The following SGCZ variants were observed in gnomAD, a reference collection of about 807,000 sequenced individuals.
The protein encoded by SGCZ is zeta-sarcoglycan.
A neutral mutation model predicts 41.3 loss-of-function variants in SGCZ; 40 were observed. The observed-to-expected ratio is 0.97, with a 90% confidence interval of 0.75 to 1.26. SGCZ has a LOEUF of 1.26. Among genes scored for constraint, SGCZ ranks in the 50% most tolerant of loss-of-function variants. The pLI, the probability that SGCZ is intolerant of heterozygous loss-of-function variation, is 0.00. For synonymous variants in SGCZ, 206 were observed against 137.5 expected (o/e 1.50, Z -3.49); for missense variants, 552 against 369.8 (o/e 1.49, Z -4.04).
intron 1 of SGCZ, among the ~76,000 whole-genome samples, chr8:14,887,986 A>G (rs1229043971): frequency 6.6e-6 from 1 of 152,164 alleles, no homozygotes; most frequent in African/African-American, 2.4e-5. Context: ...GGAGGGATAA[A>G]TGATAAGTAT....
chr8:14,912,238 C>T (rs1799298551), intron 1 of SGCZ, among the ~76,000 whole-genome samples: 1 of 151,996 alleles, frequency 6.6e-6, no homozygotes. Context: ...GACAGACCCA[C>T]CTTGCTCTGG....
Position 14,555,669 on chromosome 8 carries a change from G to C in SGCZ, c.40-743C>G, listed in dbSNP as rs1156279636. Among the ~76,000 whole-genome samples, 3 of 152,126 alleles carry C rather than the reference G, an allele frequency of 2.0e-5. No individual in the cohort carries two copies. The East Asian group carries it at 5.8e-4, about 30-fold the overall frequency. On this transcript the variant is annotated intron_variant, in intron 1 of 7. Transcript: ENST00000382080. ...ATACACCAAGCTACACTTAGACTATGATTTACCTGTTCTTTGCAGTAGAGA... is the reference window on the plus strand; with the variant it reads ...ATACACCAAGCTACACTTAGACTATCATTTACCTGTTCTTTGCAGTAGAGA...
chr8:14,822,917 A>G (rs1019175031), intron 1 of SGCZ, among the ~76,000 whole-genome samples: 3 of 152,040 alleles, frequency 2.0e-5, no homozygotes, highest in Non-Finnish European at 2.9e-5. Context: ...AACCAAATGT[A>G]GTGCCATGCC....
intron 1 of SGCZ, among the ~76,000 whole-genome samples, chr8:14,930,482 C>G (rs1799893381): frequency 2.0e-5 from 3 of 152,042 alleles, no homozygotes; most frequent in Non-Finnish European, 2.9e-5. Context: ...AATCCCATTA[C>G]TGGGTATATA....
intron 1 of SGCZ, among the ~76,000 whole-genome samples, chr8:15,158,070 T>C: frequency 6.6e-6 from 1 of 152,092 alleles, no homozygotes; most frequent in Non-Finnish European, 1.5e-5. Flanking sequence ...CAAACACAAA[T>C]GGTATCATCT....
chr8:14,784,053 G>GTTTTTTTT (rs67722353), intron 1 of SGCZ, among the ~76,000 whole-genome samples: 1 of 145,498 alleles, frequency 6.9e-6, no homozygotes, highest in Non-Finnish European at 1.5e-5. Flanking sequence ...TTAATTTAAT[G>GTTTTTTTT]TTTTTTTTTT....
Position 15,179,470 on chromosome 8 carries a change from G to A in SGCZ, c.39+58115C>T, listed in dbSNP as rs146949708. Among the ~76,000 whole-genome samples the A allele has an allele frequency of 3.3e-3, 503 of 152,144 alleles. 2 individuals carry two copies. The highest frequency in any genetic ancestry group is 0.012 in the African/African-American group (478 of 41,492). On this transcript the variant is annotated intron_variant, in intron 1 of 7. Coordinates refer to ENST00000382080, the MANE Select transcript of SGCZ (RefSeq NM_139167.4). ...CAACCACTGAAAGTAGGCATTAAAG[G>A]GTTTTCATGATCTCAAGATGTTCTG... is the stretch of plus-strand genomic sequence containing the variant.
chr8:15,124,020 T>C (rs1421444067), intron 1 of SGCZ, among the ~76,000 whole-genome samples: 1 of 152,210 alleles, frequency 6.6e-6, no homozygotes, highest in African/African-American at 2.4e-5. Context: ...GCAGCCTTGC[T>C]AGTAAAATTA....
chr8:14,326,346 A>T (rs1421159510), intron 2 of SGCZ, among the ~76,000 whole-genome samples: 2 of 152,040 alleles, frequency 1.3e-5, no homozygotes, highest in Non-Finnish European at 2.9e-5. Flanking sequence ...ATTGAGGTAG[A>T]ATTATATAAC....
chr8:14,806,257 A>G (rs1438688313), intron 1 of SGCZ, among the ~76,000 whole-genome samples: 1 of 151,232 alleles, frequency 6.6e-6, no homozygotes, highest in Non-Finnish European at 1.5e-5. Context: ...AAATAGAGAC[A>G]TAAAAAACCC....
intron 1 of SGCZ, among the ~76,000 whole-genome samples, chr8:14,634,537 C>T (rs565696004): frequency 3.3e-4 from 50 of 151,832 alleles, no homozygotes; most frequent in Middle Eastern, 3.4e-3. Context: ...TTAGTGGAAG[C>T]CTTTTAAATA....
intron 2 of SGCZ, among the ~76,000 whole-genome samples, chr8:14,453,752 T>C (rs1239551337): frequency 2.0e-5 from 3 of 152,230 alleles, no homozygotes; most frequent in Non-Finnish European, 2.9e-5. Context: ...TGTTCAGAAA[T>C]GTCACAAGAC....
intron 1 of SGCZ, among the ~76,000 whole-genome samples, chr8:14,910,718 A>T (rs536241699): frequency 6.6e-6 from 1 of 152,014 alleles, no homozygotes; most frequent in African/African-American, 2.4e-5. Context: ...AATTTCTTCA[A>T]ATTTATATAT....
chr8:14,879,696 G>T (rs1411355620), intron 1 of SGCZ: 1 of 151,208 alleles, frequency 6.6e-6, no homozygotes, highest in African/African-American at 2.4e-5. Flanking sequence ...AGTTCCCTTA[G>T]TCTGCTCCTA....
chr8:14,646,604 T>A (rs1054456202), intron 1 of SGCZ, among the ~76,000 whole-genome samples: 1 of 151,936 alleles, frequency 6.6e-6, no homozygotes. Context: ...TGGATGGTAG[T>A]TGTGTTTTAA....
intron 1 of SGCZ, among the ~76,000 whole-genome samples, chr8:14,782,867 T>C (rs569349295): frequency 6.6e-6 from 1 of 152,342 alleles, no homozygotes; most frequent in Admixed American, 6.5e-5. Flanking sequence ...ATGCATATGC[T>C]TCAACAGCCA....
intron 1 of SGCZ, among the ~76,000 whole-genome samples, chr8:15,016,859 T>A (rs535632040): frequency 3.6e-4 from 55 of 152,154 alleles, no homozygotes; most frequent in African/African-American, 1.3e-3. Context: ...TGAACAGCCA[T>A]GTCATTTGGC....
chr8:14,349,468 C>A (rs1416103076), intron 2 of SGCZ, among the ~76,000 whole-genome samples: 3 of 141,816 alleles, frequency 2.1e-5, no homozygotes, highest in Admixed American at 2.1e-4. Context: ...GATTTTCTAA[C>A]TAATTCTTGC....
rs559793132 is a variant in SGCZ, at chr8:15,168,912, A to G, written c.39+68673T>C. Among the ~76,000 whole-genome samples the G allele has an allele frequency of 7.9e-4, 120 of 152,292 alleles. No individual in the cohort carries two copies. In the Middle Eastern group the frequency reaches 0.01, roughly 13 times the overall value. On this transcript the variant is annotated intron_variant, in intron 1 of 7. Coordinates refer to ENST00000382080, the MANE Select transcript of SGCZ (RefSeq NM_139167.4). ...AACCCAGAAGCTCAGCATGCTGGCA[A>G]AAGGCTGAAGTTTTTTTGTCATTCA... is the stretch of plus-strand genomic sequence containing the variant.
Sources: allele counts gnomAD v4.1 joint callset (sites outside exome capture counted in the v4.1 genomes callset), GRCh38; gene constraint gnomAD v4.1.1; transcripts MANE v1.5; gene names NCBI Gene and HGNC (gene_info 2026-07-23, HGNC 2026-07-21).